FMN1: variants seen among roughly 807,000 people sequenced by gnomAD.
FMN1 encodes formin 1, also known as formin-1.
In FMN1, 110 loss-of-function variants were observed where a neutral mutation model predicts 132.4. That is an observed-to-expected ratio of 0.83 (90% CI 0.71 to 0.97). The LOEUF is 0.97. FMN1 is among the 50% of genes least tolerant of loss of function. FMN1 has a pLI of 0.00. For missense variants in FMN1, 1,792 were observed against 1,705.3 expected (o/e 1.05, Z -0.90); for synonymous variants, 722 against 651.7 (o/e 1.11, Z -1.64).
rs190287997 is a variant in FMN1, at chr15:32,984,681, T to A, written c.2224-15204A>T. On this transcript the variant is annotated intron_variant, in intron 7 of 20. Coordinates refer to ENST00000616417, the MANE Select transcript of FMN1 (RefSeq NM_001277313.2). ...CCCTTACATCTACGTATGGTTTATA[T>A]GTTTGTTTAGATGGTGGTGGCCTTA... Among the ~76,000 whole-genome samples the A allele has an allele frequency of 2.2e-3, 342 of 152,314 alleles. 1 individual carries two copies. Among genetic ancestry groups the A allele is most frequent in the Non-Finnish European group, 2.2e-3 (153 of 68,008 alleles).
At chr15:32,982,689 C>T (rs1249873490) in intron 7 of FMN1, among the ~76,000 whole-genome samples, 7 of 152,066 alleles carry the variant, frequency 4.6e-5, no homozygotes, top group African/African-American at 1.4e-4. Flanking sequence ...CTCAATAGAA[C>T]GAAAAGACTG....
chr15:32,886,665 G>A (rs1283757803), intron 16 of FMN1, among the ~76,000 whole-genome samples: 2 of 152,144 alleles, frequency 1.3e-5, no homozygotes, highest in Non-Finnish European at 2.9e-5. Context: ...TATAGGAGAG[G>A]TCAGGCCAAG....
chr15:32,963,555 A>C (rs1172788600), intron 9 of FMN1, among the ~76,000 whole-genome samples: 7 of 152,124 alleles, frequency 4.6e-5, no homozygotes, highest in Admixed American at 3.9e-4. Context: ...GAACTAAATT[A>C]TTTTATTTAA....
chr15:32,949,998 C>CATATATATAT (rs1184946793), intron 9 of FMN1, among the ~76,000 whole-genome samples: 1 of 6,532 alleles, frequency 1.5e-4, no homozygotes, highest in African/African-American at 4.6e-4. Context: ...TATATATACA[C>CATATATATAT]ATACACATAT....
intron 17 of FMN1, among the ~76,000 whole-genome samples, chr15:32,841,789 C>T (rs957499249): frequency 1.2e-4 from 18 of 152,116 alleles, no homozygotes; most frequent in African/African-American, 3.9e-4. Flanking sequence ...GAAGGAGTTA[C>T]GAGAACCAGA....
intron 9 of FMN1, among the ~76,000 whole-genome samples, chr15:32,950,621 A>G (rs983151156): frequency 2.6e-5 from 4 of 152,286 alleles, no homozygotes; most frequent in South Asian, 2.1e-4. Flanking sequence ...TTTCACTTGT[A>G]AGTGGGAGTT....
chr15:32,956,471 T>C (rs74371809), intron 9 of FMN1, among the ~76,000 whole-genome samples: 3 of 152,132 alleles, frequency 2.0e-5, no homozygotes, highest in Non-Finnish European at 4.4e-5. Flanking sequence ...GTGCCTGTCA[T>C]GGAGCTCCTG....
intron 17 of FMN1, among the ~76,000 whole-genome samples, chr15:32,845,752 C>A (rs1294427956): frequency 6.6e-6 from 1 of 152,194 alleles, no homozygotes; most frequent in Non-Finnish European, 1.5e-5. Flanking sequence ...AACACACACA[C>A]CAGAACTAAC....
intron 19 of FMN1, among the ~76,000 whole-genome samples, chr15:32,791,808 G>C (rs184475448): frequency 3.9e-5 from 6 of 152,272 alleles, no homozygotes; most frequent in South Asian, 2.1e-4. Context: ...TTGAAAGTTA[G>C]GGAGCCTAAG....
At chr15:33,140,936 T>C (rs1250499461) in intron 4 of FMN1, among the ~76,000 whole-genome samples, 1 of 152,246 alleles carries the variant, frequency 6.6e-6, no homozygotes, top group Non-Finnish European at 1.5e-5. Context: ...TCTTATATAC[T>C]GAATTCATCA....
chr15:32,995,767 G>T (rs1203539127), intron 7 of FMN1, among the ~76,000 whole-genome samples: 1 of 152,120 alleles, frequency 6.6e-6, no homozygotes, highest in East Asian at 1.9e-4. Flanking sequence ...ATTTTAACAC[G>T]CAATTATCTT....
chr15:32,888,670 T>C (rs2059952047), intron 15 of FMN1, among the ~76,000 whole-genome samples: 1 of 152,176 alleles, frequency 6.6e-6, no homozygotes, highest in Non-Finnish European at 1.5e-5. Context: ...TGCTAGCAAT[T>C]AGACAAGTCA....
chr15:32,968,612 T>A, intron 8 of FMN1, 102 bp downstream of exon 8: 18 of 1,507,816 alleles, frequency 1.2e-5, no homozygotes, highest in Non-Finnish European at 1.5e-5. Context: ...CACTTGATAA[T>A]GGGTGCTACA....
intron 4 of FMN1, among the ~76,000 whole-genome samples, chr15:33,152,121 G>C (rs1191236883): frequency 6.6e-6 from 1 of 152,180 alleles, no homozygotes; most frequent in Non-Finnish European, 1.5e-5. Flanking sequence ...CATGCTGTTA[G>C]AGGAGCTCTG....
chr15:32,917,022 G>C (rs368560827), intron 10 of FMN1, among the ~76,000 whole-genome samples: 2 of 152,246 alleles, frequency 1.3e-5, no homozygotes, highest in African/African-American at 4.8e-5. Context: ...GGAAGAGGCA[G>C]TAGTACAATC....
chr15:33,060,070 C>A (rs931157258), intron 6 of FMN1, among the ~76,000 whole-genome samples: 1 of 152,230 alleles, frequency 6.6e-6, no homozygotes, highest in Non-Finnish European at 1.5e-5. Flanking sequence ...AACTGCAAGA[C>A]TTTTCTGGTC....
At chr15:33,033,829 T>C (rs576973004) in intron 6 of FMN1, among the ~76,000 whole-genome samples, 1 of 152,180 alleles carries the variant, frequency 6.6e-6, no homozygotes, top group South Asian at 2.1e-4. Flanking sequence ...GGCTTCCAAA[T>C]TCAATGGTTA....
At chr15:33,025,661 T>C (rs917404838) in intron 6 of FMN1, among the ~76,000 whole-genome samples, 14 of 152,196 alleles carry the variant, frequency 9.2e-5, no homozygotes, top group Admixed American at 7.2e-4. Context: ...AGGAACTATA[T>C]ATTATCTGAA....
chr15:32,929,412 C>T lies in FMN1; in HGVS notation c.3139-3151G>A, dbSNP rs186773699. On this transcript the variant is annotated intron_variant, in intron 9 of 20. Coordinates refer to ENST00000616417, the MANE Select transcript of FMN1 (RefSeq NM_001277313.2). ...TTCTCCCATGGCTTTGAAGGCTTAA[C>T]ACTAATTTCTCTTTATTTTTATGAA... 2.2e-3 allele frequency among the ~76,000 whole-genome samples: 331 copies of T among 152,246 alleles called. 3 individuals carry two copies. Among genetic ancestry groups the T allele is most frequent in the Non-Finnish European group, 3.9e-3 (267 of 68,022 alleles).
Sources: allele counts gnomAD v4.1 joint callset (sites outside exome capture counted in the v4.1 genomes callset), GRCh38; gene constraint gnomAD v4.1.1; transcripts MANE v1.5; gene names NCBI Gene and HGNC (gene_info 2026-07-23, HGNC 2026-07-21).